CUL1: variants seen among roughly 807,000 people sequenced by gnomAD.
CUL1 encodes the protein cullin 1.
CUL1 carries 24 observed loss-of-function variants against 118.0 expected under a neutral mutation model. The ratio of observed to expected loss-of-function variants is 0.20; its 90% CI spans 0.15 to 0.29. The LOEUF (loss-of-function observed/expected upper bound fraction) is 0.29. CUL1 is among the 10% of genes least tolerant of loss of function. The pLI, the probability that CUL1 is intolerant of heterozygous loss-of-function variation, is 1.00. For synonymous variants in CUL1, 332 were observed against 340.4 expected (o/e 0.98, Z 0.27); for missense variants, 361 against 933.8 (o/e 0.39, Z 7.99).
At chr7:148,750,371 A>G (rs767816838) in intron 2 of CUL1, among the ~76,000 whole-genome samples, 2 of 151,010 alleles carry the variant, frequency 1.3e-5, no homozygotes, top group Non-Finnish European at 2.9e-5. Flanking sequence ...ACATAGGTAT[A>G]CATGTGTCAT....
At chr7:148,766,420 ATTTTC>A in intron 7 of CUL1, 136 bp from the exon 8 acceptor site, 1 of 728,882 alleles carries the variant, frequency 1.4e-6, no homozygotes, top group Non-Finnish European at 2.1e-6. Context: ...GCCCTCCCTT[ATTTTC>A]TTAATCGCAT....
At chr7:148,791,966 A>G in intron 16 of CUL1, among the ~76,000 whole-genome samples, 1 of 152,204 alleles carries the variant, frequency 6.6e-6, no homozygotes. Flanking sequence ...AGGCAGGCAG[A>G]TCACAAGGTC....
At chr7:148,788,930 G>A (rs540610300) in intron 14 of CUL1, among the ~76,000 whole-genome samples, 2 of 152,334 alleles carry the variant, frequency 1.3e-5, no homozygotes, top group African/African-American at 2.4e-5. Flanking sequence ...GGGACTCACA[G>A]GCGTGGTTTT....
chr7:148,703,181 G>A (rs1207445778), intron 1 of CUL1, among the ~76,000 whole-genome samples: 1 of 152,164 alleles, frequency 6.6e-6, no homozygotes, highest in East Asian at 1.9e-4. Context: ...TTTAAGGACT[G>A]ATATCTGATC....
intron 4 of CUL1, among the ~76,000 whole-genome samples, chr7:148,757,956 G>A (rs1799711416): frequency 6.6e-6 from 1 of 152,130 alleles, no homozygotes; most frequent in Non-Finnish European, 1.5e-5. Flanking sequence ...CCCGCAACAT[G>A]TGGGAATTAC....
chr7:148,740,189 A>ATTACAGACGCT (rs1799097339), intron 2 of CUL1, among the ~76,000 whole-genome samples: 1 of 151,884 alleles, frequency 6.6e-6, no homozygotes, highest in Non-Finnish European at 1.5e-5. Flanking sequence ...AGTAGCTGGG[A>ATTACAGACGCT]TTACAGACGC....
intron 9 of CUL1, among the ~76,000 whole-genome samples, chr7:148,780,606 C>T (rs1454721883): frequency 6.6e-6 from 1 of 152,188 alleles, no homozygotes; most frequent in Admixed American, 6.5e-5. Flanking sequence ...CATGATAGCC[C>T]AGGGCAGGCC....
chr7:148,768,424 G>A (rs1322695980), intron 9 of CUL1, among the ~76,000 whole-genome samples: 1 of 121,832 alleles, frequency 8.2e-6, no homozygotes, highest in Admixed American at 1.1e-4. Flanking sequence ...TTGCTCTCTT[G>A]CCCAGGCTGG....
intron 1 of CUL1, among the ~76,000 whole-genome samples, chr7:148,721,874 T>A (rs1340609470): frequency 1.3e-5 from 2 of 152,190 alleles, no homozygotes; most frequent in Non-Finnish European, 2.9e-5. Context: ...CCAGGTTTGT[T>A]TGTGTTTTGC....
intron 1 of CUL1, among the ~76,000 whole-genome samples, chr7:148,706,865 G>T (rs528370745): frequency 6.6e-6 from 1 of 152,046 alleles, no homozygotes; most frequent in East Asian, 1.9e-4. Context: ...TTTTTATTTA[G>T]GCCAATATTT....
In CUL1 at chr7:148,787,540, G is replaced by A. The variant is rs867591886; in HGVS notation, c.1479+420G>A. On this transcript the variant is annotated intron_variant, in intron 13 of 21. Coordinates refer to ENST00000325222, the MANE Select transcript of CUL1 (RefSeq NM_003592.3). The surrounding 1 kb of genome is among the most constrained non-coding windows in gnomAD (Gnocchi z 5.5). The stretch of plus-strand genomic sequence containing the variant: ...GTTTGTGCAGTGGTTTGTACAAGAA[G>A]CTCTGCCACTGCTCTTCTGAAAGCC... Among the ~76,000 whole-genome samples the A allele has an allele frequency of 3.3e-5, 5 of 152,256 alleles. 1 individual carries two copies. In the Middle Eastern group the frequency reaches 0.01, roughly 311 times the overall value.
Position 148,800,646 on chromosome 7 carries a change from C to T in CUL1, c.*64C>T. On this transcript the variant is annotated 3_prime_UTR_variant, in exon 22 of 22. Transcript: ENST00000325222. This position sits in a 1 kb window ranked among gnomAD's most constrained non-coding sequence, Gnocchi z 4.6. ...TAGTTCATGTTGGAAAGAATGAAAACAACTCAAGTTCATAGCAGCCAGCCT... is the reference window on the plus strand; with the variant it reads ...TAGTTCATGTTGGAAAGAATGAAAATAACTCAAGTTCATAGCAGCCAGCCT... 2 of 1,355,692 alleles carry T rather than the reference C, an allele frequency of 1.5e-6. No homozygotes were observed. The highest frequency in any genetic ancestry group is 1.0e-6 in the Non-Finnish European group (1 of 956,512). 84.0% of individuals were successfully genotyped at this position (1,355,692 alleles called of 1,614,324 possible). A position where few individuals can be genotyped will look rare whatever the true frequency, so the allele number is the denominator to read the frequency against.
At chr7:148,751,534 C>CA (rs1166826975) in intron 2 of CUL1, among the ~76,000 whole-genome samples, 18,797 of 65,234 alleles carry the variant, frequency 0.29, 2,784 homozygotes, top group African/African-American at 0.45. Context: ...GACTCTGTCT[C>CA]AAAAAAAAAA....
At chr7:148,725,211 ACG>A (rs1186553527) in intron 1 of CUL1, among the ~76,000 whole-genome samples, 53 of 143,362 alleles carry the variant, frequency 3.7e-4, no homozygotes, top group African/African-American at 1.4e-3. Flanking sequence ...ACACACACAC[ACG>A]CGCGCGCTCA....
rs749717088 is a variant in CUL1, at chr7:148,730,280, G to T, written c.140+18G>T. ...CTCTACACGTATCCTCCTGCCTAGC[G>T]CAGGTTGATTGCTTAGAGTTTTGAT... is the stretch of plus-strand genomic sequence containing the variant. On this transcript the variant is annotated intron_variant, in intron 2 of 21. Transcript: ENST00000325222. 6.3e-7 allele frequency: 1 copy of T among 1,591,076 alleles called. No homozygotes were observed. The highest frequency in any genetic ancestry group is 1.1e-5 in the South Asian group (1 of 87,252).
chr7:148,775,131 A>G (rs1195772897), intron 9 of CUL1, among the ~76,000 whole-genome samples: 3 of 152,230 alleles, frequency 2.0e-5, no homozygotes, highest in African/African-American at 7.2e-5. Context: ...CGAATGTACT[A>G]CCAGCTACTT....
At chr7:148,700,908 A>G (rs1236978993) in intron 1 of CUL1, among the ~76,000 whole-genome samples, 1 of 152,170 alleles carries the variant, frequency 6.6e-6, no homozygotes, top group Admixed American at 6.6e-5. Context: ...TAATGTGTGT[A>G]CCACATCAGA....
At position 148,760,751 on chromosome 7, in the gene CUL1, G is replaced by C. The variant is rs6969948; in HGVS notation, c.789+255G>C. 6.5e-3 allele frequency among the ~76,000 whole-genome samples: 990 copies of C among 152,188 alleles called. 18 individuals carry two copies. The highest frequency in any genetic ancestry group is 0.022 in the African/African-American group (931 of 41,530). ...ATAGCTACATGAATTTTTTTTAACTGTTTATTGTAGAATGTGGATTTATAT... is the reference window on the plus strand; with the variant it reads ...ATAGCTACATGAATTTTTTTTAACTCTTTATTGTAGAATGTGGATTTATAT... On this transcript the variant is annotated intron_variant, in intron 7 of 21. Coordinates refer to ENST00000325222, the MANE Select transcript of CUL1 (RefSeq NM_003592.3).
chr7:148,699,064 T>TGGCGGC (rs924893127), intron 1 of CUL1, 35 bp downstream of exon 1: 38 of 152,610 alleles, frequency 2.5e-4, no homozygotes, highest in Middle Eastern at 3.3e-3. Flanking sequence ...CGAGAGGAGG[T>TGGCGGC]GGCGGCGGCG....
Sources: gnomAD v4.1 joint callset for allele counts (sites outside exome capture counted in the v4.1 genomes callset) on GRCh38, gnomAD v4.1.1 for gene constraint, Gnocchi (gnomAD v3.1) non-coding constraint, MANE v1.5 for transcripts, NCBI Gene and HGNC (gene_info 2026-07-23, HGNC 2026-07-21) for gene names.